CDK19: variants seen among roughly 807,000 people sequenced by gnomAD.
CDK19 encodes the protein cyclin dependent kinase 19, also known as cyclin-dependent kinase 19.
In CDK19, 20 loss-of-function variants were observed where a neutral mutation model predicts 68.3. The observed-to-expected ratio is 0.29, with a 90% CI of 0.21 to 0.43. The LOEUF (loss-of-function observed/expected upper bound fraction) is 0.43. Ranked by LOEUF, CDK19 falls within the 20% of genes least tolerant of loss-of-function variation. The pLI is 1.00. For synonymous variants in CDK19, 221 were observed against 222.8 expected (o/e 0.99, Z 0.07); for missense variants, 339 against 623.5 (o/e 0.54, Z 4.86).
At chr6:110,811,463 A>AGGCT (rs1194072057) in intron 1 of CDK19, among the ~76,000 whole-genome samples, 15 of 152,170 alleles carry the variant, frequency 9.9e-5, no homozygotes, top group African/African-American at 3.6e-4. Flanking sequence ...CTTGTTGGCC[A>AGGCT]GGCTGGTCTC....
At chr6:110,781,755 G>T (rs1244106276) in intron 1 of CDK19, among the ~76,000 whole-genome samples, 1 of 151,448 alleles carries the variant, frequency 6.6e-6, no homozygotes, top group African/African-American at 2.4e-5. Context: ...GAGGTGGGAG[G>T]ATTGCTTGAG....
rs1033216859 is a variant in CDK19, at chr6:110,768,900, C to T, written c.129-22699G>A. On this transcript the variant is annotated intron_variant, in intron 1 of 12. Coordinates refer to ENST00000368911, the MANE Select transcript of CDK19 (RefSeq NM_015076.5). ...AGGCATGGTGGCTCAAGCCTGTAAT[C>T]CTAGCACTTTGGGGGTCCAAGGCAG... Among the ~76,000 whole-genome samples, 3 of 152,156 alleles carry T rather than the reference C, an allele frequency of 2.0e-5. No homozygotes were observed. In the South Asian group the frequency reaches 6.2e-4, roughly 32 times the overall value.
At chr6:110,748,809 T>C (rs1309556631) in intron 1 of CDK19, among the ~76,000 whole-genome samples, 2 of 152,236 alleles carry the variant, frequency 1.3e-5, no homozygotes, top group Non-Finnish European at 2.9e-5. Flanking sequence ...TTCCTCCAAG[T>C]AGAGGAATTC....
At chr6:110,684,222 T>C (rs959248293) in intron 2 of CDK19, among the ~76,000 whole-genome samples, 1 of 152,076 alleles carries the variant, frequency 6.6e-6, no homozygotes, top group African/African-American at 2.4e-5. Flanking sequence ...CAACCCTCCT[T>C]GTCAAAAACC....
chr6:110,781,402 C>T (rs563408034), intron 1 of CDK19, among the ~76,000 whole-genome samples: 2 of 152,336 alleles, frequency 1.3e-5, no homozygotes, highest in East Asian at 3.9e-4. Flanking sequence ...GATCTGCCCC[C>T]ATGACCCAAA....
intron 2 of CDK19, among the ~76,000 whole-genome samples, chr6:110,704,209 C>A (rs1288172149): frequency 1.3e-5 from 2 of 152,070 alleles, no homozygotes; most frequent in African/African-American, 2.4e-5. Flanking sequence ...ATAGTTCAGT[C>A]AATAATTAAG....
chr6:110,610,860 T>C lies in CDK19; in HGVS notation c.*3675A>G, dbSNP rs1263330627. 1.3e-5 allele frequency: 2 copies of C among 152,188 alleles called. No homozygotes were observed. The highest frequency in any genetic ancestry group is 4.8e-5 in the African/African-American group (2 of 41,448). 9.4% of individuals were successfully genotyped at this position (152,188 alleles called of 1,614,324 possible). ...ATTTTCCAACTATTTTTTTCTTTTC[T>C]TTTACCTTTAGCAGAGAAAACAGCA... On this transcript the variant is annotated 3_prime_UTR_variant, in exon 13 of 13. Transcript: ENST00000368911.
intron 2 of CDK19, among the ~76,000 whole-genome samples, chr6:110,702,221 G>A (rs1774069738): frequency 6.6e-6 from 1 of 152,176 alleles, no homozygotes; most frequent in Admixed American, 6.5e-5. Flanking sequence ...AAAGGTAGGA[G>A]GATTGCTTGA....
intron 2 of CDK19, among the ~76,000 whole-genome samples, chr6:110,740,877 C>T (rs1777608981): frequency 6.6e-6 from 1 of 152,176 alleles, no homozygotes; most frequent in Non-Finnish European, 1.5e-5. Flanking sequence ...GCCTCTCTGA[C>T]TCTCAATTCC....
intron 1 of CDK19, among the ~76,000 whole-genome samples, chr6:110,762,294 T>C (rs1779282518): frequency 6.6e-6 from 1 of 152,168 alleles, no homozygotes; most frequent in South Asian, 2.1e-4. Context: ...CTGATCTCTC[T>C]TTCCTCCTAT....
At chr6:110,623,501 C>A in intron 8 of CDK19, 139 bp from the exon 9 acceptor site, 1 of 1,165,184 alleles carries the variant, frequency 8.6e-7, no homozygotes, top group Non-Finnish European at 1.2e-6. Context: ...AAACACATTA[C>A]CAAATATTAG....
chr6:110,622,947 A>G (rs1778808021), intron 9 of CDK19, 35 bp from the exon 10 acceptor site: 3 of 1,285,412 alleles, frequency 2.3e-6, no homozygotes, highest in Non-Finnish European at 3.4e-6. Context: ...CAGCACATGA[A>G]AAGGTTATTT....
chr6:110,791,316 AAAG>A (rs1477092577), intron 1 of CDK19, among the ~76,000 whole-genome samples: 1 of 152,092 alleles, frequency 6.6e-6, no homozygotes, highest in Admixed American at 6.6e-5. Context: ...TTTTGGGAGG[AAAG>A]AAGGTCAGAA....
intron 2 of CDK19, among the ~76,000 whole-genome samples, chr6:110,680,415 A>G (rs1407059657): frequency 6.6e-6 from 1 of 152,244 alleles, no homozygotes. Flanking sequence ...TAACCTTATT[A>G]GTAGTTATGT....
intron 1 of CDK19, among the ~76,000 whole-genome samples, chr6:110,749,555 T>A (rs1778319782): frequency 6.6e-6 from 1 of 152,142 alleles, no homozygotes; most frequent in South Asian, 2.1e-4. Context: ...AGATGGGGTT[T>A]CGCCATATTG....
intron 2 of CDK19, among the ~76,000 whole-genome samples, chr6:110,686,305 T>C (rs1166911947): frequency 6.6e-6 from 1 of 152,186 alleles, no homozygotes; most frequent in Non-Finnish European, 1.5e-5. Flanking sequence ...TTAGGAAGTG[T>C]GCCTTATTGG....
intron 2 of CDK19, among the ~76,000 whole-genome samples, chr6:110,721,156 C>T (rs1301833732): frequency 6.6e-6 from 1 of 152,164 alleles, no homozygotes; most frequent in Non-Finnish European, 1.5e-5. Flanking sequence ...AGGAGAATCG[C>T]TTGAACCCGG....
At chr6:110,658,914 T>C (rs1781461630) in intron 4 of CDK19, among the ~76,000 whole-genome samples, 1 of 152,206 alleles carries the variant, frequency 6.6e-6, no homozygotes, top group Non-Finnish European at 1.5e-5. Flanking sequence ...TCAGGAACTC[T>C]GGAGCTACAT....
intron 2 of CDK19, among the ~76,000 whole-genome samples, chr6:110,727,090 C>CA (rs1161103496): frequency 2.0e-5 from 3 of 152,144 alleles, no homozygotes; most frequent in African/African-American, 4.8e-5. Flanking sequence ...GTAGGAAAGA[C>CA]AGAGACATAA....
Sources: allele counts gnomAD v4.1 joint callset (sites outside exome capture counted in the v4.1 genomes callset), GRCh38; gene constraint gnomAD v4.1.1; transcripts MANE v1.5; gene names NCBI Gene and HGNC (gene_info 2026-07-23, HGNC 2026-07-21).